SDC2: variants seen among roughly 807,000 people sequenced by gnomAD.
The protein encoded by SDC2 is syndecan 2.
Under a neutral mutation model 22.2 loss-of-function variants are expected in SDC2, and 13 were observed. That is an observed-to-expected ratio of 0.59 (90% CI 0.38 to 0.93). The LOEUF is 0.93. Among genes scored for constraint, SDC2 ranks in the 40% least tolerant of loss-of-function variants. The pLI is 0.00. For missense variants in SDC2, 235 were observed against 246.8 expected (o/e 0.95, Z 0.32); for synonymous variants, 94 against 92.8 (o/e 1.01, Z -0.07).
intron 1 of SDC2, among the ~76,000 whole-genome samples, chr8:96,502,605 T>C (rs1244792123): frequency 6.6e-6 from 1 of 152,178 alleles, no homozygotes; most frequent in East Asian, 1.9e-4. Flanking sequence ...TGCCTTCCGT[T>C]TGGTCCCTCT....
rs1325012632 is a variant in SDC2 at position 96,501,262 on chromosome 8, A to T, written c.60+6931A>T. The stretch of plus-strand genomic sequence containing the variant: ...CAAGATACGCAATTATTAAAGGAAA[A>T]TTTTTTTTAAGGGAAAAGTTAAATA... On this transcript the variant is annotated intron_variant, in intron 1 of 4. Transcript: ENST00000302190. Among the ~76,000 whole-genome samples the T allele has an allele frequency of 2.2e-5, 3 of 139,206 alleles. No homozygotes were observed. The East Asian group carries it at 6.3e-4, about 29-fold the overall frequency. The allele number at this position is 139,206 out of a possible 152,430, so 91.3% of individuals were successfully genotyped here.
Position 96,494,322 on chromosome 8 carries a change from G to A in SDC2, c.51G>A (p.Ser17=). 1 of 1,543,252 alleles carries A rather than the reference G, an allele frequency of 6.5e-7. No individual in the cohort carries two copies. ...CCTTGGGCTTGGTGGCCTGCGTGTC[G>A]GCGGAGTCGGTGAGTGGGCCAGGCG... ...LLTLGLVACV[S]AESRAELTSD... Residue 17 remains serine, a synonymous_variant, in exon 1 of 5, where the codon TCG becomes TCA. Transcript: ENST00000302190.
intron 1 of SDC2, among the ~76,000 whole-genome samples, chr8:96,542,216 C>A (rs1813861953): frequency 6.6e-6 from 1 of 152,230 alleles, no homozygotes; most frequent in African/African-American, 2.4e-5. Context: ...GGTTTGTCTT[C>A]TGCTCTTTTC....
In SDC2 at chr8:96,509,304, TTGA is replaced by T. The variant is rs1387022618; in HGVS notation, c.60+14981_60+14983del. On this transcript the variant is annotated intron_variant, in intron 1 of 4. Transcript: ENST00000302190. ...TAGAGCCTGCGCTAGACTCTCAGTG[TTGA>T]TGATGATTGAAATGGACAGCTAATT... 1.4e-5 allele frequency among the ~76,000 whole-genome samples: 2 copies of T among 141,926 alleles called. 1 individual carries two copies. The highest frequency in any genetic ancestry group is 3.2e-5 in the Non-Finnish European group (2 of 62,226). 93.1% of individuals were successfully genotyped at this position (141,926 alleles called of 152,430 possible). A position where few individuals can be genotyped will look rare whatever the true frequency, so the allele number is the denominator to read the frequency against.
chr8:96,557,090 A>G (rs1814128447), intron 1 of SDC2, among the ~76,000 whole-genome samples: 1 of 150,514 alleles, frequency 6.6e-6, no homozygotes, highest in Non-Finnish European at 1.5e-5. Flanking sequence ...ATCTCACACC[A>G]GTTAGAATGG....
intron 1 of SDC2, among the ~76,000 whole-genome samples, chr8:96,531,057 T>A (rs995293086): frequency 6.6e-6 from 1 of 152,182 alleles, no homozygotes; most frequent in African/African-American, 2.4e-5. Flanking sequence ...TGAGGGCTGA[T>A]GGGCATCAGA....
chr8:96,517,434 A>G (rs982587805), intron 1 of SDC2, among the ~76,000 whole-genome samples: 1 of 152,070 alleles, frequency 6.6e-6, no homozygotes, highest in Non-Finnish European at 1.5e-5. Context: ...ATCTATTCCT[A>G]TTTTCTTCCA....
intron 2 of SDC2, among the ~76,000 whole-genome samples, chr8:96,595,953 T>C (rs1303406203): frequency 6.6e-6 from 1 of 152,220 alleles, no homozygotes; most frequent in South Asian, 2.1e-4. Context: ...AGCTTCGTTC[T>C]TGACTTTGGA....
In SDC2 at chr8:96,571,333, T is replaced by C. The variant is rs546844864; in HGVS notation, c.61-22147T>C. Among the ~76,000 whole-genome samples, 3 of 151,804 alleles carry C rather than the reference T, an allele frequency of 2.0e-5. No homozygotes were observed. The South Asian group carries it at 6.2e-4, about 32-fold the overall frequency. On this transcript the variant is annotated intron_variant, in intron 1 of 4. Transcript: ENST00000302190. ...CAGAGCGGCTGCAAAGGCCCTGGAGTGGGGAAAGTGTGTATGCTTAGGGAG... is the reference window on the plus strand; with the variant it reads ...CAGAGCGGCTGCAAAGGCCCTGGAGCGGGGAAAGTGTGTATGCTTAGGGAG...
At chr8:96,538,859 C>T (rs564415695) in intron 1 of SDC2, 10 of 31,026 alleles carry the variant, frequency 3.2e-4, no homozygotes, top group Admixed American at 1.8e-3. Flanking sequence ...TACCTGTCCA[C>T]TAATCAAGGC....
chr8:96,525,705 C>T (rs1018136489), intron 1 of SDC2, among the ~76,000 whole-genome samples: 1 of 152,078 alleles, frequency 6.6e-6, no homozygotes, highest in Admixed American at 6.5e-5. Flanking sequence ...ATTCCCAAGT[C>T]TTTATTGATC....
chr8:96,576,918 AAT>A (rs1181366288), intron 1 of SDC2, among the ~76,000 whole-genome samples: 2 of 152,186 alleles, frequency 1.3e-5, no homozygotes. Flanking sequence ...TTGTCCCAAG[AAT>A]GTATTGAGAT....
chr8:96,576,435 T>TTTTTTTTTC, intron 1 of SDC2, among the ~76,000 whole-genome samples: 1 of 63,096 alleles, frequency 1.6e-5, no homozygotes, highest in African/African-American at 5.1e-5. Context: ...TTTTTTTTTT[T>TTTTTTTTTC]TTGAGACGGA....
chr8:96,502,121 G>A (rs1000577232), intron 1 of SDC2, among the ~76,000 whole-genome samples: 2 of 152,186 alleles, frequency 1.3e-5, no homozygotes. Context: ...TGGACTCACA[G>A]TTCCACATGG....
chr8:96,509,767 C>T (rs769311868), intron 1 of SDC2, among the ~76,000 whole-genome samples: 2 of 152,140 alleles, frequency 1.3e-5, no homozygotes, highest in African/African-American at 2.4e-5. Context: ...GTATTCTTAA[C>T]GTATGCTTTC....
chr8:96,513,761 G>T (rs758319948), intron 1 of SDC2, among the ~76,000 whole-genome samples: 3 of 152,140 alleles, frequency 2.0e-5, no homozygotes, highest in Non-Finnish European at 4.4e-5. Context: ...GGAAACTTCC[G>T]ATCTCGACTG....
chr8:96,524,486 A>C (rs568683410), intron 1 of SDC2, among the ~76,000 whole-genome samples: 3 of 152,262 alleles, frequency 2.0e-5, no homozygotes, highest in South Asian at 4.1e-4. Context: ...GGTCAGAACT[A>C]ATTTCAGTTA....
At chr8:96,569,303 T>A (rs1310379339) in intron 1 of SDC2, among the ~76,000 whole-genome samples, 1 of 152,208 alleles carries the variant, frequency 6.6e-6, no homozygotes, top group Non-Finnish European at 1.5e-5. Flanking sequence ...GCCACCACTC[T>A]CAGCCTCTTC....
intron 1 of SDC2, among the ~76,000 whole-genome samples, chr8:96,585,303 G>A (rs1295970892): frequency 1.3e-5 from 2 of 152,148 alleles, no homozygotes; most frequent in African/African-American, 4.8e-5. Context: ...AAAAATGTAC[G>A]AAATGTGTCA....
Sources: allele counts gnomAD v4.1 joint callset (sites outside exome capture counted in the v4.1 genomes callset), GRCh38; gene constraint gnomAD v4.1.1; transcripts MANE v1.5; gene names NCBI Gene and HGNC (gene_info 2026-07-23, HGNC 2026-07-21).